STXBP6: variants seen among roughly 807,000 people sequenced by gnomAD.
The protein encoded by STXBP6 is syntaxin-binding protein 6.
STXBP6 carries 21 observed loss-of-function variants against 26.9 expected under a neutral mutation model. The observed-to-expected ratio is 0.78, with a 90% CI of 0.55 to 1.12. The LOEUF (loss-of-function observed/expected upper bound fraction) is 1.12, where lower values mean the gene tolerates loss of function less well. Among genes scored for constraint, STXBP6 ranks in the 50% most tolerant of loss-of-function variants. The probability of loss-of-function intolerance (pLI) is 0.00; values close to 1 mark genes in which losing one functional copy is unlikely to be tolerated. For synonymous variants in STXBP6, 97 were observed against 92.6 expected (o/e 1.05, Z -0.27); for missense variants, 232 against 257.9 (o/e 0.90, Z 0.69).
At chr14:25,017,703 A>C (rs1424132027) in intron 1 of STXBP6, among the ~76,000 whole-genome samples, 1 of 152,218 alleles carries the variant, frequency 6.6e-6, no homozygotes, top group Non-Finnish European at 1.5e-5. Flanking sequence ...AAAGAGCAGG[A>C]GTGCTTTCAA....
chr14:24,870,425 A>T (rs932845870), intron 2 of STXBP6, among the ~76,000 whole-genome samples: 2 of 152,212 alleles, frequency 1.3e-5, no homozygotes, highest in Non-Finnish European at 2.9e-5. Context: ...TTTTACATGT[A>T]CGGTTTGTAC....
At chr14:25,012,436 G>A (rs1490387659) in intron 1 of STXBP6, among the ~76,000 whole-genome samples, 1 of 152,032 alleles carries the variant, frequency 6.6e-6, no homozygotes, top group Non-Finnish European at 1.5e-5. Flanking sequence ...GACCAGCCTG[G>A]CCAATATGGC....
At chr14:24,832,853 T>C (rs568694880) in intron 4 of STXBP6, among the ~76,000 whole-genome samples, 4 of 152,350 alleles carry the variant, frequency 2.6e-5, no homozygotes, top group African/African-American at 9.6e-5. Flanking sequence ...ATTTGTACTA[T>C]TATTAGAAAC....
chr14:24,908,158 T>C (rs1595088235), intron 2 of STXBP6, among the ~76,000 whole-genome samples: 1 of 152,186 alleles, frequency 6.6e-6, no homozygotes, highest in African/African-American at 2.4e-5. Flanking sequence ...TTACAATAAA[T>C]AGTATCACCA....
At chr14:24,864,443 A>T (rs1367396462) in intron 2 of STXBP6, among the ~76,000 whole-genome samples, 2 of 152,146 alleles carry the variant, frequency 1.3e-5, no homozygotes, top group African/African-American at 4.8e-5. Context: ...CAATGAGAAG[A>T]GATGGAAGCG....
At chr14:24,940,029 G>A (rs925256657) in intron 2 of STXBP6, among the ~76,000 whole-genome samples, 3 of 152,194 alleles carry the variant, frequency 2.0e-5, no homozygotes, top group African/African-American at 4.8e-5. Flanking sequence ...CTGACCTCCT[G>A]CACTGTAATC....
chr14:24,938,632 A>G (rs2072687509), intron 2 of STXBP6, among the ~76,000 whole-genome samples: 1 of 151,364 alleles, frequency 6.6e-6, no homozygotes, highest in Non-Finnish European at 1.5e-5. Flanking sequence ...AAGTTAGTCC[A>G]TTATACCAGT....
chr14:25,038,726 T>C (rs1388630007), intron 1 of STXBP6, among the ~76,000 whole-genome samples: 2 of 152,136 alleles, frequency 1.3e-5, no homozygotes, highest in Non-Finnish European at 2.9e-5. Flanking sequence ...GCTTAGTACG[T>C]GGACGACAAA....
At chr14:24,961,095 T>C (rs2073521713) in intron 2 of STXBP6, among the ~76,000 whole-genome samples, 1 of 152,134 alleles carries the variant, frequency 6.6e-6, no homozygotes, top group Non-Finnish European at 1.5e-5. Flanking sequence ...CTAAAGAAAA[T>C]TCCTAAGTCA....
At chr14:24,846,747 A>G (rs2068976724) in intron 4 of STXBP6, among the ~76,000 whole-genome samples, 1 of 152,194 alleles carries the variant, frequency 6.6e-6, no homozygotes, top group African/African-American at 2.4e-5. Flanking sequence ...TAAGTAAGGA[A>G]TGTTTGCTCC....
chr14:24,879,832 A>G (rs1373145913), intron 2 of STXBP6, among the ~76,000 whole-genome samples: 1 of 152,132 alleles, frequency 6.6e-6, no homozygotes, highest in East Asian at 1.9e-4. Context: ...ATTCCCACAC[A>G]GTGGTAGGGC....
chr14:24,874,754 G>A (rs2070071515), intron 2 of STXBP6, among the ~76,000 whole-genome samples: 1 of 152,132 alleles, frequency 6.6e-6, no homozygotes, highest in Non-Finnish European at 1.5e-5. Flanking sequence ...TTTCCTGCTG[G>A]GGGTCTTAGA....
chr14:25,044,721 A>G (rs2075699421), intron 1 of STXBP6, among the ~76,000 whole-genome samples: 1 of 152,254 alleles, frequency 6.6e-6, no homozygotes, highest in Non-Finnish European at 1.5e-5. Context: ...CATTACAGGC[A>G]TGAGCAACCA....
chr14:25,045,282 T>C (rs1057178646), intron 1 of STXBP6, among the ~76,000 whole-genome samples: 1 of 152,152 alleles, frequency 6.6e-6, no homozygotes, highest in Non-Finnish European at 1.5e-5. Flanking sequence ...GATATAATGA[T>C]GCCCATGTTG....
chr14:24,826,292 A>T (rs2068280035), intron 4 of STXBP6, among the ~76,000 whole-genome samples: 1 of 152,098 alleles, frequency 6.6e-6, no homozygotes. Flanking sequence ...TGTCCTAGGG[A>T]TTGGTCTAGT....
At chr14:25,006,387 C>G (rs1187605868) in intron 1 of STXBP6, among the ~76,000 whole-genome samples, 2 of 152,178 alleles carry the variant, frequency 1.3e-5, no homozygotes, top group Non-Finnish European at 2.9e-5. Flanking sequence ...TTCTCTTGCT[C>G]TGTTTCTAAG....
At chr14:24,975,184 CT>C (rs1291884723) in intron 1 of STXBP6, among the ~76,000 whole-genome samples, 3 of 152,184 alleles carry the variant, frequency 2.0e-5, no homozygotes, top group Non-Finnish European at 4.4e-5. Flanking sequence ...CACTCTATTC[CT>C]GTTCTGTAAG....
chr14:24,923,244 T>C (rs548658686), intron 2 of STXBP6, among the ~76,000 whole-genome samples: 2 of 152,200 alleles, frequency 1.3e-5, no homozygotes, highest in Non-Finnish European at 2.9e-5. Flanking sequence ...AATGGCAGCA[T>C]AGGAAATATA....
chr14:25,044,341 G>A (rs1652342142), intron 1 of STXBP6, among the ~76,000 whole-genome samples: 1 of 152,056 alleles, frequency 6.6e-6, no homozygotes, highest in Admixed American at 6.6e-5. Context: ...TGGCTGTTCG[G>A]TTTTACATAT....
Sources: allele counts gnomAD v4.1 joint callset (sites outside exome capture counted in the v4.1 genomes callset), GRCh38; gene constraint gnomAD v4.1.1; transcripts MANE v1.5; gene names NCBI Gene and HGNC (gene_info 2026-07-23, HGNC 2026-07-21).